The following PTGIS variants were observed in gnomAD, a reference collection of about 807,000 sequenced individuals.
PTGIS encodes prostaglandin I2 synthase.
Under a neutral mutation model 50.3 loss-of-function variants are expected in PTGIS, and 45 were observed. The ratio of observed to expected loss-of-function variants is 0.90; its 90% confidence interval spans 0.70 to 1.15. The LOEUF (loss-of-function observed/expected upper bound fraction) is 1.15, where lower values mean the gene tolerates loss of function less well. Among genes scored for constraint, PTGIS ranks in the 50% most tolerant of loss-of-function variants. The pLI, the probability that PTGIS is intolerant of heterozygous loss-of-function variation, is 0.00. For synonymous variants in PTGIS, 260 were observed against 267.7 expected, an observed-to-expected ratio of 0.97 and a Z score of 0.28; for missense variants, 668 against 661.3, an observed-to-expected ratio of 1.01 and a Z score of -0.11.
rs1334998403 is a variant in PTGIS at position 49,562,375 on chromosome 20, A to C, written c.74+5668T>G. On this transcript the variant is annotated intron_variant, in intron 1 of 9. Coordinates refer to ENST00000244043, the MANE Select transcript of PTGIS (RefSeq NM_000961.4). The stretch of plus-strand genomic sequence containing the variant: ...CCTGGCAGCTTTCCTCTTTCCCCAG[A>C]AAAGTCCCAAGGAGGCGCAGACAAA... Among the ~76,000 whole-genome samples the C allele has an allele frequency of 5.3e-5, 8 of 152,162 alleles. No homozygotes were observed. In the East Asian group the frequency reaches 1.5e-3, roughly 29 times the overall value.
At chr20:49,547,702 G>A (rs1982396292) in intron 3 of PTGIS, 139 bp downstream of exon 3, 11 of 1,005,682 alleles carry the variant, frequency 1.1e-5, no homozygotes, top group Admixed American at 1.1e-4. Flanking sequence ...GTTGTTTTTT[G>A]TTTTGTTTCT....
chr20:49,562,342 G>A (rs1488248850), intron 1 of PTGIS, among the ~76,000 whole-genome samples: 1 of 152,214 alleles, frequency 6.6e-6, no homozygotes, highest in Admixed American at 6.5e-5. Flanking sequence ...AGCGAGCCAG[G>A]TGTTATTCCT....
intron 5 of PTGIS, among the ~76,000 whole-genome samples, chr20:49,537,658 G>A (rs1982115019): frequency 6.6e-6 from 1 of 152,222 alleles, no homozygotes; most frequent in South Asian, 2.1e-4. Context: ...AGGAGGCTGA[G>A]GCAGGAGAAT....
intron 5 of PTGIS, among the ~76,000 whole-genome samples, chr20:49,533,400 G>C (rs1353341611): frequency 6.6e-6 from 1 of 152,050 alleles, no homozygotes; most frequent in Non-Finnish European, 1.5e-5. Context: ...GCTTAGCTAG[G>C]GGGTCTGTTT....
At chr20:49,553,839 T>C (rs1982566129) in intron 1 of PTGIS, among the ~76,000 whole-genome samples, 1 of 152,096 alleles carries the variant, frequency 6.6e-6, no homozygotes, top group Non-Finnish European at 1.5e-5. Context: ...TGATTGATCA[T>C]TTACGAAAGA....
At chr20:49,549,172 TTATCCCTCAGTATCCATGGAGGATTGG>T (rs1982442580) in intron 2 of PTGIS, among the ~76,000 whole-genome samples, 1 of 152,142 alleles carries the variant, frequency 6.6e-6, no homozygotes, top group African/African-American at 2.4e-5. Flanking sequence ...AACTGACCAG[TTATCCCTCAGTATCCATGGAGGATTGG>T]TTCCAGGACC....
At chr20:49,526,241 T>G (rs986670028) in intron 5 of PTGIS, among the ~76,000 whole-genome samples, 2 of 152,154 alleles carry the variant, frequency 1.3e-5, no homozygotes, top group East Asian at 1.9e-4. Flanking sequence ...TGAAACCACC[T>G]CAGTTGATGC....
chr20:49,558,572 T>C (rs1289195100), intron 1 of PTGIS, among the ~76,000 whole-genome samples: 1 of 152,276 alleles, frequency 6.6e-6, no homozygotes, highest in Middle Eastern at 3.4e-3. Context: ...ATTGAAAACG[T>C]TGGATCTTAT....
chr20:49,538,421 AAAC>A (rs1982138149), intron 5 of PTGIS, among the ~76,000 whole-genome samples: 2 of 152,064 alleles, frequency 1.3e-5, no homozygotes, highest in African/African-American at 4.8e-5. Context: ...TTAAGACAAA[AAAC>A]AAAAAATAAA....
At chr20:49,565,347 C>T (rs150993457) in intron 1 of PTGIS, among the ~76,000 whole-genome samples, 91 of 152,198 alleles carry the variant, frequency 6.0e-4, no homozygotes, top group African/African-American at 2.1e-3. Context: ...TGTGGGAAGA[C>T]TGAGAATTCA....
At chr20:49,538,256 G>GAAAAAAAA (rs58986753) in intron 5 of PTGIS, among the ~76,000 whole-genome samples, 1 of 30,292 alleles carries the variant, frequency 3.3e-5, no homozygotes. Context: ...CCCTGGTTCA[G>GAAAAAAAA]AAAAAAAAAA....
chr20:49,528,477 A>G (rs1482271049), intron 5 of PTGIS, among the ~76,000 whole-genome samples: 2 of 151,936 alleles, frequency 1.3e-5, no homozygotes, highest in Non-Finnish European at 2.9e-5. Flanking sequence ...AAAATTAGCC[A>G]AGCATGGTGG....
In PTGIS at chr20:49,540,381, C is replaced by T. The variant is rs967414205; in HGVS notation, c.522-660G>A. ...AACGTGTTCAGGCAACAGGCACAGCCTGTGCAAAGGCCCAGAGCTGAGAGT... is the reference window on the plus strand; with the variant it reads ...AACGTGTTCAGGCAACAGGCACAGCTTGTGCAAAGGCCCAGAGCTGAGAGT... On this transcript the variant is annotated intron_variant, in intron 4 of 9. Coordinates refer to ENST00000244043, the MANE Select transcript of PTGIS (RefSeq NM_000961.4). The surrounding 1 kb of genome is among the most constrained non-coding windows in gnomAD (Gnocchi z 4.8). 6.6e-6 allele frequency among the ~76,000 whole-genome samples: 1 copy of T among 152,132 alleles called. No homozygotes were observed. Among genetic ancestry groups the T allele is most frequent in the African/African-American group, 2.4e-5 (1 of 41,420 alleles).
rs1483944629 is a variant in PTGIS, at chr20:49,539,590, G to A, written c.653C>T (p.Ala218Val). Residue 218 changes from alanine (A) to valine (V), a missense_variant, in exon 5 of 10, where the codon GCC becomes GTC. Ala to Val is a moderately conservative substitution (Grantham distance 64). Transcript: ENST00000244043. The part of the protein sequence containing the change: ...RQLDRLLPKL[A>V]RGSLSVGDKD... Reference sequence around the variant, plus strand: ...CTTACCCACTGACAGGGAGCCACGGGCCAGTTTGGGGAGCAGCCGGTCGAG... The same window carrying A: ...CTTACCCACTGACAGGGAGCCACGGACCAGTTTGGGGAGCAGCCGGTCGAG... 1 of 1,613,876 alleles carries A rather than the reference G, an allele frequency of 6.2e-7. No individual in the cohort carries two copies. The highest frequency in any genetic ancestry group is 8.5e-7 in the Non-Finnish European group (1 of 1,179,976).
At chr20:49,523,577 T>C (rs987347675) in intron 6 of PTGIS, among the ~76,000 whole-genome samples, 2 of 152,018 alleles carry the variant, frequency 1.3e-5, no homozygotes, top group African/African-American at 2.4e-5. Context: ...GGCAGATCAC[T>C]TGAGGTCAAG....
Position 49,507,583 on chromosome 20 carries a change from T to G in PTGIS, c.*337A>C, listed in dbSNP as rs926666793. ...ACTAGGAAGGTGACACCTCCGGGAGTTGGGGGCAGAGCAGTGAAGACTCCT... is the reference window on the plus strand; with the variant it reads ...ACTAGGAAGGTGACACCTCCGGGAGGTGGGGGCAGAGCAGTGAAGACTCCT... On this transcript the variant is annotated 3_prime_UTR_variant, in exon 10 of 10. Coordinates refer to ENST00000244043, the MANE Select transcript of PTGIS (RefSeq NM_000961.4). The G allele has an allele frequency of 2.1e-5, 8 of 388,876 alleles. No homozygotes were observed. The highest frequency in any genetic ancestry group is 3.4e-5 in the Non-Finnish European group (7 of 203,808). The allele number at this position is 388,876 out of a possible 1,614,324, so 24.1% of individuals were successfully genotyped here.
chr20:49,508,999 G>C (rs1981237474), intron 9 of PTGIS, among the ~76,000 whole-genome samples: 1 of 152,222 alleles, frequency 6.6e-6, no homozygotes, highest in Non-Finnish European at 1.5e-5. Flanking sequence ...AGCACATGGT[G>C]GGGATTCTTT....
intron 8 of PTGIS, among the ~76,000 whole-genome samples, chr20:49,511,675 G>A (rs1403490510): frequency 6.6e-6 from 1 of 152,226 alleles, no homozygotes; most frequent in African/African-American, 2.4e-5. Context: ...AAAAGAAAAT[G>A]CCAATTTCCT....
chr20:49,561,515 T>C (rs778676207), intron 1 of PTGIS, among the ~76,000 whole-genome samples: 3 of 152,188 alleles, frequency 2.0e-5, no homozygotes, highest in Non-Finnish European at 2.9e-5. Flanking sequence ...GCTGCCCAAG[T>C]AGCCTTGGAA....
Sources: allele counts gnomAD v4.1 joint callset (sites outside exome capture counted in the v4.1 genomes callset), GRCh38; gene constraint gnomAD v4.1.1; non-coding constraint Gnocchi (gnomAD v3.1); transcripts MANE v1.5; gene names NCBI Gene and HGNC (gene_info 2026-07-23, HGNC 2026-07-21).